The following ABHD12 variants were observed in gnomAD, a reference collection of about 807,000 sequenced individuals.
ABHD12 encodes the protein abhydrolase domain containing 12, lysophospholipase.
A neutral mutation model predicts 58.3 loss-of-function variants in ABHD12; 43 were observed. That is an observed-to-expected ratio of 0.74 (90% confidence interval 0.58 to 0.95). ABHD12 has a LOEUF of 0.95. Among genes scored for constraint, ABHD12 ranks in the 40% least tolerant of loss-of-function variants. The pLI is 0.00. For missense variants in ABHD12, 539 were observed against 537.2 expected, an observed-to-expected ratio of 1.00 and a Z score of -0.03; for synonymous variants, 219 against 211.2, an observed-to-expected ratio of 1.04 and a Z score of -0.32.
chr20:25,373,016 A>G (rs1009925306), intron 1 of ABHD12, among the ~76,000 whole-genome samples: 1 of 152,280 alleles, frequency 6.6e-6, no homozygotes, highest in Middle Eastern at 3.4e-3. Flanking sequence ...TTGTGTCACA[A>G]CTGCCTACAG....
chr20:25,383,037 G>GAGAT (rs1350904618), intron 1 of ABHD12, among the ~76,000 whole-genome samples: 1 of 152,202 alleles, frequency 6.6e-6, no homozygotes, highest in Non-Finnish European at 1.5e-5. Flanking sequence ...AAGGAAAAAG[G>GAGAT]AGATGGATGA....
rs1185500708 is a variant in ABHD12 at position 25,334,886 on chromosome 20, T to C, written c.316+4341A>G. On this transcript the variant is annotated intron_variant, in intron 2 of 12. Coordinates refer to ENST00000339157, the MANE Select transcript of ABHD12 (RefSeq NM_001042472.3). ...AACCTAGGCATTACCATTCAGGACA[T>C]AGGCATGGGCAAGGACTTCATGTCT... Among the ~76,000 whole-genome samples, 781 of 150,914 alleles carry C rather than the reference T, an allele frequency of 5.2e-3. 8 individuals carry two copies. The highest frequency in any genetic ancestry group is 0.017 in the African/African-American group (709 of 41,068).
chr20:25,315,521 G>T (rs2088944733), intron 5 of ABHD12, among the ~76,000 whole-genome samples: 1 of 151,890 alleles, frequency 6.6e-6, no homozygotes, highest in Admixed American at 6.6e-5. Context: ...TTGCTGGGGT[G>T]TGCCCAGAGC....
At chr20:25,349,922 C>T (rs2089575615) in intron 1 of ABHD12, among the ~76,000 whole-genome samples, 1 of 151,992 alleles carries the variant, frequency 6.6e-6, no homozygotes, top group Non-Finnish European at 1.5e-5. Flanking sequence ...TATTTCATCC[C>T]AATAAAAAAT....
chr20:25,300,811 C>T lies in ABHD12; in HGVS notation c.*34G>A, dbSNP rs2088621684. The T allele has an allele frequency of 6.2e-7, 1 of 1,613,866 alleles. No homozygotes were observed. Among genetic ancestry groups the T allele is most frequent in the Admixed American group, 1.7e-5 (1 of 60,002 alleles). On this transcript the variant is annotated 3_prime_UTR_variant, in exon 13 of 13. Transcript: ENST00000339157. ...TGACTGGAGGAAAACGGGAGGAGGGCAGAGGTCTTCATGCTTCCTTCCCAC... is the reference window on the plus strand; with the variant it reads ...TGACTGGAGGAAAACGGGAGGAGGGTAGAGGTCTTCATGCTTCCTTCCCAC...
At chr20:25,333,741 C>T (rs1268343830) in intron 2 of ABHD12, among the ~76,000 whole-genome samples, 5 of 151,310 alleles carry the variant, frequency 3.3e-5, no homozygotes, top group Non-Finnish European at 5.9e-5. Context: ...GAAAAGGCCT[C>T]TGACAAAATT....
intron 1 of ABHD12, among the ~76,000 whole-genome samples, chr20:25,345,000 T>C (rs958041415): frequency 1.3e-5 from 2 of 151,580 alleles, no homozygotes; most frequent in Admixed American, 6.6e-5. Context: ...AAATGAGTCA[T>C]AGACCTAAAT....
chr20:25,300,936 C>T (rs1463524735), intron 12 of ABHD12, 52 bp from the exon 13 acceptor site: 4 of 1,579,430 alleles, frequency 2.5e-6, no homozygotes, highest in Non-Finnish European at 3.5e-6. Context: ...ACCAAAGATC[C>T]TTCTCCACAG....
At chr20:25,387,200 G>A (rs750449950) in intron 1 of ABHD12, among the ~76,000 whole-genome samples, 2 of 152,152 alleles carry the variant, frequency 1.3e-5, no homozygotes, top group African/African-American at 2.4e-5. Flanking sequence ...TTAAAGTCAG[G>A]AATGAAACAA....
At position 25,322,381 on chromosome 20, in the gene ABHD12, A is replaced by ATATATTTTTTTTT; in HGVS notation, c.422+943_422+944insAAAAAAAAATATA. Among the ~76,000 whole-genome samples the ATATATTTTTTTTT allele has an allele frequency of 1.5e-4, 9 of 59,270 alleles. 1 individual carries two copies. The highest frequency in any genetic ancestry group is 5.8e-4 in the South Asian group (1 of 1,724). 38.9% of individuals were successfully genotyped at this position (59,270 alleles called of 152,430 possible). ...GGAAAAGATATATATATATATATATATTTTTTTTTTTTTTTGAGACAAGAG... is the reference window on the plus strand; with the variant it reads ...GGAAAAGATATATATATATATATATATATATTTTTTTTTTTTTTTTTTTTTTTTGAGACAAGAG... On this transcript the variant is annotated intron_variant, in intron 3 of 12. Transcript: ENST00000339157.
chr20:25,326,125 G>GAGGGA (rs1276004914), intron 2 of ABHD12, among the ~76,000 whole-genome samples: 3 of 143,528 alleles, frequency 2.1e-5, no homozygotes, highest in Non-Finnish European at 3.0e-5. Flanking sequence ...GAGGGGAGGG[G>GAGGGA]AGGGAAGGGA....
At chr20:25,305,387 G>T (rs985146640) in intron 10 of ABHD12, among the ~76,000 whole-genome samples, 1 of 146,782 alleles carries the variant, frequency 6.8e-6, no homozygotes, top group Non-Finnish European at 1.5e-5. Flanking sequence ...TTTTGAGACG[G>T]AGTCTCGCTC....
At chr20:25,334,264 T>C (rs1460410922) in intron 2 of ABHD12, among the ~76,000 whole-genome samples, 5 of 151,234 alleles carry the variant, frequency 3.3e-5, no homozygotes, top group Admixed American at 3.3e-4. Context: ...GAAGGACCTC[T>C]TCAAGGAGAA....
intron 1 of ABHD12, among the ~76,000 whole-genome samples, chr20:25,367,920 C>T (rs539790597): frequency 6.6e-5 from 10 of 152,234 alleles, no homozygotes; most frequent in Admixed American, 3.3e-4. Context: ...TACCCAGAAG[C>T]GCAGCTGCTG....
chr20:25,338,479 G>C (rs966721683), intron 2 of ABHD12, among the ~76,000 whole-genome samples: 2 of 152,096 alleles, frequency 1.3e-5, no homozygotes, highest in Non-Finnish European at 2.9e-5. Context: ...CCTTTCCTTG[G>C]AGCCTCGCTT....
intron 1 of ABHD12, 39 bp downstream of exon 1, chr20:25,390,474 C>CCGGGGGGG: frequency 9.3e-7 from 1 of 1,079,070 alleles, no homozygotes; most frequent in Non-Finnish European, 1.1e-6. Context: ...AAGTGAGGGA[C>CCGGGGGGG]CGGCCCCCCC....
intron 1 of ABHD12, among the ~76,000 whole-genome samples, chr20:25,347,073 G>A (rs574793274): frequency 1.3e-5 from 2 of 152,302 alleles, no homozygotes; most frequent in African/African-American, 4.8e-5. Context: ...GGCAGTTAGT[G>A]TTCAGAGACT....
intron 1 of ABHD12, among the ~76,000 whole-genome samples, chr20:25,352,724 T>C (rs1420636890): frequency 6.6e-6 from 1 of 152,170 alleles, no homozygotes; most frequent in African/African-American, 2.4e-5. Flanking sequence ...CAAAAAGATT[T>C]CTCAAAATTA....
intron 1 of ABHD12, among the ~76,000 whole-genome samples, chr20:25,388,743 C>G (rs533103101): frequency 6.6e-6 from 1 of 151,250 alleles, no homozygotes; most frequent in Non-Finnish European, 1.5e-5. Context: ...GGTGCCAGGT[C>G]GCCGCTGTTT....
Sources: allele counts gnomAD v4.1 joint callset (sites outside exome capture counted in the v4.1 genomes callset), GRCh38; gene constraint gnomAD v4.1.1; transcripts MANE v1.5; gene names NCBI Gene and HGNC (gene_info 2026-07-23, HGNC 2026-07-21).